The following SCFD2 variants were observed in gnomAD, a reference collection of about 807,000 sequenced individuals.
SCFD2 encodes the protein sec1 family domain-containing protein 2.
SCFD2 carries 54 observed loss-of-function variants against 58.9 expected under a neutral mutation model. The observed-to-expected ratio is 0.92, with a 90% CI of 0.74 to 1.15. SCFD2 has a LOEUF of 1.15. Ranked by LOEUF, SCFD2 falls within the 50% of genes most tolerant of loss-of-function variation. The pLI is 0.00. For synonymous variants in SCFD2, 321 were observed against 335.9 expected, an observed-to-expected ratio of 0.96 and a Z score of 0.49; for missense variants, 805 against 836.6, an observed-to-expected ratio of 0.96 and a Z score of 0.47.
At chr4:53,084,178 AG>A (rs1236934471) in intron 5 of SCFD2, among the ~76,000 whole-genome samples, 1 of 152,136 alleles carries the variant, frequency 6.6e-6, no homozygotes, top group Non-Finnish European at 1.5e-5. Context: ...CAACTGCACA[AG>A]ACAAACATTC....
intron 5 of SCFD2, among the ~76,000 whole-genome samples, chr4:52,928,908 C>CA (rs5858193): frequency 4.0e-5 from 6 of 151,750 alleles, no homozygotes; most frequent in Non-Finnish European, 8.8e-5. Context: ...TAAATCAGAC[C>CA]AAAAAAATGA....
chr4:53,005,800 A>T (rs1435377003), intron 5 of SCFD2, among the ~76,000 whole-genome samples: 3 of 152,198 alleles, frequency 2.0e-5, no homozygotes, highest in Non-Finnish European at 4.4e-5. Context: ...TAACATCTAG[A>T]TTCTACTGAA....
intron 5 of SCFD2, among the ~76,000 whole-genome samples, chr4:52,926,807 A>G (rs1228631488): frequency 6.6e-6 from 1 of 152,162 alleles, no homozygotes; most frequent in Non-Finnish European, 1.5e-5. Flanking sequence ...TGGGGGTGTG[A>G]CACAGCCAGA....
At chr4:53,025,123 AG>A (rs1157372312) in intron 5 of SCFD2, among the ~76,000 whole-genome samples, 19 of 152,314 alleles carry the variant, frequency 1.2e-4, no homozygotes, top group African/African-American at 4.1e-4. Flanking sequence ...GAACAGAAGA[AG>A]GGGGTAAGAA....
intron 4 of SCFD2, among the ~76,000 whole-genome samples, chr4:53,225,110 T>C (rs1481098713): frequency 6.6e-6 from 1 of 152,168 alleles, no homozygotes; most frequent in Non-Finnish European, 1.5e-5. Context: ...ACATAAATCA[T>C]ATCACCATAT....
chr4:53,033,995 G>A (rs887247405), intron 5 of SCFD2, among the ~76,000 whole-genome samples: 4 of 152,062 alleles, frequency 2.6e-5, no homozygotes, highest in African/African-American at 9.7e-5. Context: ...CCAAAACCTG[G>A]CAGAGACACA....
Position 53,011,574 on chromosome 4 carries a change from C to T in SCFD2, c.1562-90704G>A, listed in dbSNP as rs531557392. Among the ~76,000 whole-genome samples, 4 of 152,280 alleles carry T rather than the reference C, an allele frequency of 2.6e-5. No homozygotes were observed. The South Asian group carries it at 6.2e-4, about 24-fold the overall frequency. ...AAATGGAAGTTTGTTTTTAAGGTTCCTTGTAGTGTGTTGTGTACATTTCAG... is the reference window on the plus strand; with the variant it reads ...AAATGGAAGTTTGTTTTTAAGGTTCTTTGTAGTGTGTTGTGTACATTTCAG... On this transcript the variant is annotated intron_variant, in intron 5 of 8. Transcript: ENST00000401642.
intron 3 of SCFD2, among the ~76,000 whole-genome samples, chr4:53,302,715 A>C (rs1322195142): frequency 4.6e-5 from 7 of 152,228 alleles, no homozygotes; most frequent in East Asian, 1.9e-4. Flanking sequence ...ACAAGGCTAC[A>C]GTCACCAAAA....
chr4:53,295,747 C>T (rs1187077456), intron 3 of SCFD2, among the ~76,000 whole-genome samples: 1 of 151,776 alleles, frequency 6.6e-6, no homozygotes, highest in Non-Finnish European at 1.5e-5. Flanking sequence ...AGTTTTTGCC[C>T]ATTCATTATG....
chr4:53,227,642 T>G (rs1354515312), intron 4 of SCFD2, among the ~76,000 whole-genome samples: 2 of 152,154 alleles, frequency 1.3e-5, no homozygotes, highest in Non-Finnish European at 2.9e-5. Flanking sequence ...TCTAAACCCT[T>G]TATTCCAATA....
chr4:52,880,658 T>C (rs1231502385), intron 8 of SCFD2, among the ~76,000 whole-genome samples: 1 of 151,980 alleles, frequency 6.6e-6, no homozygotes, highest in Non-Finnish European at 1.5e-5. Flanking sequence ...AAAAAAAGTA[T>C]TGAACTCTGT....
intron 5 of SCFD2, among the ~76,000 whole-genome samples, chr4:53,068,950 C>T (rs1560321802): frequency 1.3e-5 from 2 of 152,008 alleles, no homozygotes; most frequent in Admixed American, 1.3e-4. Context: ...GCTCATTCTC[C>T]CTACCTTAAG....
chr4:53,059,391 T>C (rs1459990647), intron 5 of SCFD2, among the ~76,000 whole-genome samples: 2 of 152,102 alleles, frequency 1.3e-5, no homozygotes, highest in African/African-American at 4.8e-5. Flanking sequence ...CCATAAGAAG[T>C]AGATACTTTT....
chr4:53,325,332 C>T (rs1733156482), intron 2 of SCFD2, among the ~76,000 whole-genome samples: 1 of 151,446 alleles, frequency 6.6e-6, no homozygotes, highest in Non-Finnish European at 1.5e-5. Context: ...GTAAAATGCA[C>T]TTGAGAGCCA....
At chr4:53,076,871 C>T (rs1168838256) in intron 5 of SCFD2, among the ~76,000 whole-genome samples, 1 of 152,148 alleles carries the variant, frequency 6.6e-6, no homozygotes. Context: ...CAGAGTAGAA[C>T]TTGGAGAAAA....
At chr4:53,058,082 C>T (rs1020986361) in intron 5 of SCFD2, among the ~76,000 whole-genome samples, 4 of 152,118 alleles carry the variant, frequency 2.6e-5, no homozygotes, top group African/African-American at 7.2e-5. Context: ...ATTCAATAGA[C>T]AGCTACATTT....
intron 4 of SCFD2, among the ~76,000 whole-genome samples, chr4:53,251,846 C>T (rs1482184868): frequency 2.6e-5 from 4 of 151,454 alleles, no homozygotes; most frequent in African/African-American, 4.9e-5. Context: ...CCCTCTCTCA[C>T]CACTCCTATT....
intron 6 of SCFD2, among the ~76,000 whole-genome samples, chr4:52,913,534 C>T (rs1719536331): frequency 6.6e-6 from 1 of 152,176 alleles, no homozygotes; most frequent in Non-Finnish European, 1.5e-5. Flanking sequence ...GCTTACCTCT[C>T]CCACTGATTC....
At chr4:53,007,331 A>G (rs1560508015) in intron 5 of SCFD2, among the ~76,000 whole-genome samples, 1 of 130,804 alleles carries the variant, frequency 7.6e-6, no homozygotes, top group African/African-American at 2.9e-5. Context: ...AGAGAGAGAG[A>G]GAGGGAGAGA....
Sources: allele counts gnomAD v4.1 joint callset (sites outside exome capture counted in the v4.1 genomes callset), GRCh38; gene constraint gnomAD v4.1.1; transcripts MANE v1.5; gene names NCBI Gene and HGNC (gene_info 2026-07-23, HGNC 2026-07-21).